Variants in ATP9B observed in about 807,000 individuals in gnomAD.
ATP9B encodes ATPase phospholipid transporting 9B.
Under a neutral mutation model 146.1 loss-of-function variants are expected in ATP9B, and 110 were observed. The ratio of observed to expected loss-of-function variants is 0.75; its 90% CI spans 0.65 to 0.88. The LOEUF (loss-of-function observed/expected upper bound fraction) is 0.88. ATP9B is among the 40% of genes least tolerant of loss of function. The probability of loss-of-function intolerance (pLI) is 0.00; values close to 1 mark genes in which losing one functional copy is unlikely to be tolerated. For synonymous variants in ATP9B, 604 were observed against 569.7 expected, an observed-to-expected ratio of 1.06 and a Z score of -0.86; for missense variants, 1,499 against 1,496.4, an observed-to-expected ratio of 1.00 and a Z score of -0.03.
chr18:79,364,642 C>G (rs2097015624), intron 26 of ATP9B, among the ~76,000 whole-genome samples: 1 of 151,384 alleles, frequency 6.6e-6, no homozygotes, highest in South Asian at 2.1e-4. Flanking sequence ...TATGCATGAC[C>G]TTGGGTTAAG....
intron 7 of ATP9B, among the ~76,000 whole-genome samples, chr18:79,162,143 A>G (rs2094892484): frequency 6.6e-6 from 1 of 152,226 alleles, no homozygotes; most frequent in Admixed American, 6.5e-5. Context: ...TATAATTACA[A>G]TATTTTAAAT....
intron 11 of ATP9B, among the ~76,000 whole-genome samples, chr18:79,250,396 A>C (rs1247825527): frequency 6.6e-6 from 1 of 152,184 alleles, no homozygotes; most frequent in Non-Finnish European, 1.5e-5. Flanking sequence ...ATAGAGTAAA[A>C]TATGCACTTT....
chr18:79,175,460 A>G (rs1304602047), intron 7 of ATP9B, among the ~76,000 whole-genome samples: 1 of 152,222 alleles, frequency 6.6e-6, no homozygotes, highest in Non-Finnish European at 1.5e-5. Context: ...TTATACACAC[A>G]TACATGCGTA....
At chr18:79,355,553 C>T (rs1331467822) in intron 25 of ATP9B, among the ~76,000 whole-genome samples, 1 of 152,082 alleles carries the variant, frequency 6.6e-6, no homozygotes, top group Non-Finnish European at 1.5e-5. Context: ...AGTCCTCAAT[C>T]TGAACAAGAG....
At chr18:79,270,926 T>G (rs773808797) in intron 12 of ATP9B, among the ~76,000 whole-genome samples, 1 of 152,172 alleles carries the variant, frequency 6.6e-6, no homozygotes, top group Non-Finnish European at 1.5e-5. Flanking sequence ...AAGCACTGTT[T>G]CCCAGTTGCC....
intron 13 of ATP9B, among the ~76,000 whole-genome samples, chr18:79,291,330 G>A (rs1164990604): frequency 1.3e-5 from 2 of 152,084 alleles, no homozygotes; most frequent in African/African-American, 4.8e-5. Context: ...CAATTTGGGG[G>A]CATATTAATT....
intron 2 of ATP9B, among the ~76,000 whole-genome samples, chr18:79,102,244 T>C (rs1238640168): frequency 6.6e-6 from 1 of 152,232 alleles, no homozygotes; most frequent in East Asian, 1.9e-4. Context: ...GTCTGAATTA[T>C]TGCTTTTGTT....
intron 25 of ATP9B, among the ~76,000 whole-genome samples, chr18:79,348,437 T>C (rs1188809789): frequency 6.6e-6 from 1 of 152,218 alleles, no homozygotes; most frequent in African/African-American, 2.4e-5. Flanking sequence ...ATAGTTTGTG[T>C]CAGGAACTGT....
At chr18:79,122,705 A>G (rs149343484) in intron 4 of ATP9B, among the ~76,000 whole-genome samples, 135 of 152,304 alleles carry the variant, frequency 8.9e-4, no homozygotes, top group Non-Finnish European at 1.6e-3. Flanking sequence ...TTTTGGGGAT[A>G]TCTGCTGCTT....
intron 13 of ATP9B, among the ~76,000 whole-genome samples, chr18:79,286,601 A>G (rs1041691173): frequency 3.9e-5 from 6 of 152,092 alleles, no homozygotes; most frequent in Non-Finnish European, 8.8e-5. Flanking sequence ...CTAATTGAAT[A>G]CCCTTTATTT....
At chr18:79,113,970 C>T (rs761790472) in intron 4 of ATP9B, among the ~76,000 whole-genome samples, 1 of 152,042 alleles carries the variant, frequency 6.6e-6, no homozygotes, top group Non-Finnish European at 1.5e-5. Flanking sequence ...CTTACTACTT[C>T]CTTTATTTTT....
intron 7 of ATP9B, among the ~76,000 whole-genome samples, chr18:79,163,858 ATTTTATTTT>A (rs2094920730): frequency 1.5e-5 from 2 of 131,812 alleles, no homozygotes; most frequent in East Asian, 4.5e-4. Flanking sequence ...TTATTTTCAT[ATTTTATTTT>A]ATACACACAC....
chr18:79,152,403 G>C (rs1191128363), intron 6 of ATP9B, among the ~76,000 whole-genome samples: 1 of 152,052 alleles, frequency 6.6e-6, no homozygotes, highest in Admixed American at 6.6e-5. Context: ...GGGCTTTTAT[G>C]TACTCTGGTT....
intron 9 of ATP9B, among the ~76,000 whole-genome samples, chr18:79,199,309 A>C (rs1209584988): frequency 6.6e-6 from 1 of 152,180 alleles, no homozygotes; most frequent in East Asian, 1.9e-4. Context: ...GCCCGGCCCT[A>C]TAACTTTAAT....
intron 10 of ATP9B, among the ~76,000 whole-genome samples, chr18:79,208,958 C>T (rs2095559650): frequency 6.6e-6 from 1 of 152,182 alleles, no homozygotes; most frequent in African/African-American, 2.4e-5. Context: ...TGGGCAGGCA[C>T]ATTTAGCCAG....
chr18:79,200,990 C>T (rs1322309884), intron 9 of ATP9B, among the ~76,000 whole-genome samples: 5 of 152,136 alleles, frequency 3.3e-5, no homozygotes, highest in South Asian at 2.1e-4. Flanking sequence ...AATTTAGGAA[C>T]GGGAATGGCT....
Position 79,239,892 on chromosome 18 carries a change from C to T in ATP9B, c.1108-13489C>T, listed in dbSNP as rs1352586847. On this transcript the variant is annotated intron_variant, in intron 11 of 29. Coordinates refer to ENST00000426216, the MANE Select transcript of ATP9B (RefSeq NM_198531.5). The surrounding 1 kb of genome is among the most constrained non-coding windows in gnomAD (Gnocchi z 5.1). ...CATGGTTCCTGAGGGCTAAGCGTTC[C>T]CAAAGGATGAGCGGAGAGGCTTGCT... Among the ~76,000 whole-genome samples, 1 of 152,146 alleles carries T rather than the reference C, an allele frequency of 6.6e-6. No homozygotes were observed. Among genetic ancestry groups the T allele is most frequent in the East Asian group, 1.9e-4 (1 of 5,186 alleles).
chr18:79,372,564 A>G (rs1402760515), intron 26 of ATP9B: 1 of 621,058 alleles, frequency 1.6e-6, no homozygotes, highest in East Asian at 3.4e-5. Context: ...AGTAGAGCCA[A>G]CAAGACGGCA....
chr18:79,272,562 A>G (rs1431964379), intron 12 of ATP9B, among the ~76,000 whole-genome samples: 1 of 150,662 alleles, frequency 6.6e-6, no homozygotes, highest in African/African-American at 2.5e-5. Flanking sequence ...TCCTGCACGG[A>G]TACGCTTCTC....
Sources: allele counts gnomAD v4.1 joint callset (sites outside exome capture counted in the v4.1 genomes callset), GRCh38; gene constraint gnomAD v4.1.1; non-coding constraint Gnocchi (gnomAD v3.1); transcripts MANE v1.5; gene names NCBI Gene and HGNC (gene_info 2026-07-23, HGNC 2026-07-21).